The following ADGRL4 variants were observed in gnomAD, a reference collection of about 807,000 sequenced individuals.
ADGRL4 encodes the protein EGF, latrophilin and seven transmembrane domain containing 1.
Under a neutral mutation model 74.8 loss-of-function variants are expected in ADGRL4, and 90 were observed. That is an observed-to-expected ratio of 1.20 (90% confidence interval 1.02 to 1.43). The LOEUF (loss-of-function observed/expected upper bound fraction) is 1.43, where lower values mean the gene tolerates loss of function less well. Ranked by LOEUF, ADGRL4 falls within the 40% of genes most tolerant of loss-of-function variation. ADGRL4 has a pLI of 0.00. For missense variants in ADGRL4, 881 were observed against 814.3 expected (o/e 1.08, Z -1.00); for synonymous variants, 311 against 279.2 (o/e 1.11, Z -1.14).
At chr1:78,939,103 C>A in intron 4 of ADGRL4, 85 bp downstream of exon 4, 2 of 1,405,302 alleles carry the variant, frequency 1.4e-6, no homozygotes, top group Non-Finnish European at 1.9e-6. Context: ...CTACTGTTTA[C>A]TCTTCTTGAA....
chr1:78,910,399 G>T (rs1648737299), intron 12 of ADGRL4, among the ~76,000 whole-genome samples: 1 of 151,668 alleles, frequency 6.6e-6, no homozygotes, highest in South Asian at 2.1e-4. Flanking sequence ...AAAAGAAGTT[G>T]GTAAGAGTAG....
chr1:78,928,185 A>AT (rs1570234760), intron 7 of ADGRL4, among the ~76,000 whole-genome samples: 1 of 151,442 alleles, frequency 6.6e-6, no homozygotes, highest in East Asian at 1.9e-4. Flanking sequence ...TATAAGAAGG[A>AT]TTTTTAAAGT....
intron 2 of ADGRL4, among the ~76,000 whole-genome samples, chr1:78,985,886 T>C (rs1650484281): frequency 6.6e-6 from 1 of 151,730 alleles, no homozygotes; most frequent in Non-Finnish European, 1.5e-5. Flanking sequence ...AACATAGAGT[T>C]AAAGGCCATT....
intron 7 of ADGRL4, among the ~76,000 whole-genome samples, chr1:78,932,812 T>A (rs527915508): frequency 9.2e-5 from 14 of 151,468 alleles, no homozygotes; most frequent in South Asian, 4.1e-4. Flanking sequence ...GCAAAAAAAC[T>A]AGAATATCTA....
At chr1:78,940,273 A>G (rs1257585093) in intron 3 of ADGRL4, among the ~76,000 whole-genome samples, 2 of 152,158 alleles carry the variant, frequency 1.3e-5, no homozygotes, top group African/African-American at 4.8e-5. Context: ...AAAAACTAAG[A>G]TATAGCAGAA....
At chr1:78,954,922 C>T (rs953972338) in intron 2 of ADGRL4, among the ~76,000 whole-genome samples, 2 of 151,922 alleles carry the variant, frequency 1.3e-5, no homozygotes, top group African/African-American at 4.8e-5. Context: ...TCAATAGAGA[C>T]CAAAAATGTA....
intron 2 of ADGRL4, among the ~76,000 whole-genome samples, chr1:78,971,847 C>T (rs1570264006): frequency 6.6e-6 from 1 of 152,186 alleles, no homozygotes; most frequent in African/African-American, 2.4e-5. Flanking sequence ...ACCTCCACCT[C>T]CAGGTTCAAG....
intron 12 of ADGRL4, among the ~76,000 whole-genome samples, chr1:78,914,611 T>C (rs1201722398): frequency 1.3e-5 from 2 of 148,884 alleles, no homozygotes; most frequent in South Asian, 2.2e-4. Context: ...GTTGGTGAAG[T>C]AGAGATTTTT....
intron 13 of ADGRL4, among the ~76,000 whole-genome samples, chr1:78,892,749 AATC>A (rs1648309756): frequency 6.6e-6 from 1 of 152,060 alleles, no homozygotes; most frequent in Admixed American, 6.6e-5. Flanking sequence ...GTAAAGGAAA[AATC>A]ATGACAACAT....
At chr1:78,903,684 T>G (rs945832523) in intron 12 of ADGRL4, among the ~76,000 whole-genome samples, 2 of 151,782 alleles carry the variant, frequency 1.3e-5, no homozygotes, top group African/African-American at 4.8e-5. Context: ...GCCTGTAATC[T>G]CAACACTTTG....
intron 2 of ADGRL4, among the ~76,000 whole-genome samples, chr1:78,969,232 A>G (rs962687907): frequency 1.3e-5 from 2 of 152,236 alleles, no homozygotes; most frequent in Admixed American, 6.5e-5. Flanking sequence ...ATCATTTGCA[A>G]CAGTGCAATA....
intron 2 of ADGRL4, among the ~76,000 whole-genome samples, chr1:78,962,888 T>C (rs138566753): frequency 2.0e-5 from 3 of 152,144 alleles, no homozygotes; most frequent in Non-Finnish European, 4.4e-5. Flanking sequence ...TAAAATAGGG[T>C]GCCAATCTAC....
chr1:78,995,271 A>G (rs1169865799), intron 2 of ADGRL4, among the ~76,000 whole-genome samples: 1 of 152,226 alleles, frequency 6.6e-6, no homozygotes, highest in Non-Finnish European at 1.5e-5. Flanking sequence ...CAGCACTGTA[A>G]TGCAGGAGGG....
At chr1:78,954,342 T>C (rs76922266) in intron 2 of ADGRL4, among the ~76,000 whole-genome samples, 2,185 of 151,926 alleles carry the variant, frequency 0.014, 55 homozygotes, top group African/African-American at 0.05. Context: ...AGAAATGTAC[T>C]GAAAATTCAC....
rs912465704 is a variant in ADGRL4 at position 78,937,805 on chromosome 1, A to T, written c.760+2T>A. 12 of 1,598,542 alleles carry T rather than the reference A, an allele frequency of 7.5e-6. No homozygotes were observed. In the African/African-American group the frequency reaches 1.5e-4, roughly 20 times the overall value. ...ACTTTTAAATGGACCCTTGTTTCTTACCTATATCCGTTGAATTTGTATCAA... is the reference window on the plus strand; with the variant it reads ...ACTTTTAAATGGACCCTTGTTTCTTTCCTATATCCGTTGAATTTGTATCAA... On this transcript the variant is annotated splice_donor_variant, in intron 6 of 14. Coordinates refer to ENST00000370742, the MANE Select transcript of ADGRL4 (RefSeq NM_022159.4). LOFTEE classifies it high-confidence loss of function.
intron 2 of ADGRL4, among the ~76,000 whole-genome samples, chr1:79,002,218 G>A (rs1650859059): frequency 6.6e-6 from 1 of 152,066 alleles, no homozygotes; most frequent in Admixed American, 6.5e-5. Flanking sequence ...CAACTTGAAA[G>A]TCAATGCATT....
intron 12 of ADGRL4, among the ~76,000 whole-genome samples, chr1:78,914,873 G>T (rs1648837793): frequency 1.3e-5 from 2 of 151,734 alleles, no homozygotes; most frequent in Admixed American, 1.3e-4. Context: ...TGGGGGAGCT[G>T]CATGATATAA....
chr1:78,927,138 T>A, intron 7 of ADGRL4, 47 bp from the exon 8 acceptor site: 1 of 1,263,664 alleles, frequency 7.9e-7, no homozygotes, highest in African/African-American at 1.5e-5. Flanking sequence ...TAAAACAAAG[T>A]GTATTTAGAC....
intron 2 of ADGRL4, among the ~76,000 whole-genome samples, chr1:78,978,044 C>T (rs924200498): frequency 1.5e-4 from 23 of 151,810 alleles, no homozygotes; most frequent in African/African-American, 5.6e-4. Context: ...ACAGGCATTC[C>T]CCACTCTGCT....
Sources: gnomAD v4.1 joint callset for allele counts (sites outside exome capture counted in the v4.1 genomes callset) on GRCh38, gnomAD v4.1.1 for gene constraint, MANE v1.5 for transcripts, NCBI Gene and HGNC (gene_info 2026-07-23, HGNC 2026-07-21) for gene names.